NR2F1-AS1: variants seen among roughly 807,000 people sequenced by gnomAD.
NR2F1-AS1 encodes NR2F1 regulatory antisense RNA 1.
chr5:93,584,358 C>A, upstream of NR2F1-AS1: 1 of 149,826 alleles, frequency 6.7e-6, no homozygotes, highest in South Asian at 1.8e-4. Flanking sequence ...CCGGCTTCCT[C>A]TATGTCGGCT....
chr5:93,440,034 A>C (rs1749529047), intron 4 of NR2F1-AS1, among the ~76,000 whole-genome samples: 1 of 152,216 alleles, frequency 6.6e-6, no homozygotes, highest in South Asian at 2.1e-4. Flanking sequence ...TTCATTATAA[A>C]CAGATAAATA....
intron 4 of NR2F1-AS1, among the ~76,000 whole-genome samples, chr5:93,538,608 T>C (rs1431494239): frequency 6.6e-6 from 1 of 152,236 alleles, no homozygotes; most frequent in Non-Finnish European, 1.5e-5. Flanking sequence ...CTAACAGTTG[T>C]AGGAAATACT....
At chr5:93,565,341 G>A (rs1015810674) in intron 1 of NR2F1-AS1, among the ~76,000 whole-genome samples, 2 of 152,112 alleles carry the variant, frequency 1.3e-5, no homozygotes, top group Admixed American at 6.5e-5. Flanking sequence ...AACATGCCCA[G>A]TCATAGGTGA....
chr5:93,513,437 G>A (rs1751341751), intron 4 of NR2F1-AS1, among the ~76,000 whole-genome samples: 2 of 152,214 alleles, frequency 1.3e-5, no homozygotes, highest in African/African-American at 4.8e-5. Flanking sequence ...TAGTGAATTG[G>A]ATAAAGAAAA....
intron 1 of NR2F1-AS1, among the ~76,000 whole-genome samples, chr5:93,564,053 G>A (rs577166266): frequency 3.1e-5 from 4 of 131,064 alleles, no homozygotes; most frequent in Admixed American, 8.9e-5. Flanking sequence ...AATGAGTGGA[G>A]ATCACGCCAC....
intron 4 of NR2F1-AS1, among the ~76,000 whole-genome samples, chr5:93,499,238 G>A (rs1580279209): frequency 1.3e-5 from 2 of 152,130 alleles, no homozygotes; most frequent in East Asian, 3.8e-4. Flanking sequence ...AGAAAACGGT[G>A]ACACATGGGT....
intron 4 of NR2F1-AS1, among the ~76,000 whole-genome samples, chr5:93,544,642 G>A (rs1752033376): frequency 2.0e-5 from 3 of 152,036 alleles, no homozygotes; most frequent in East Asian, 1.9e-4. Flanking sequence ...TGAGTTATTC[G>A]GCCGGGTGCA....
intron 4 of NR2F1-AS1, among the ~76,000 whole-genome samples, chr5:93,443,259 G>A (rs1361631951): frequency 2.6e-5 from 4 of 152,164 alleles, no homozygotes; most frequent in African/African-American, 9.7e-5. Flanking sequence ...CTGAGCTAAA[G>A]TATGATGTTT....
chr5:93,584,532 C>T (rs549312192), upstream of NR2F1-AS1: 1 of 149,162 alleles, frequency 6.7e-6, no homozygotes, highest in Non-Finnish European at 1.5e-5. Flanking sequence ...CGCTGCGCCC[C>T]GCGCCGCTCC....
At chr5:93,530,567 A>G (rs1206098724) in intron 4 of NR2F1-AS1, among the ~76,000 whole-genome samples, 2 of 152,206 alleles carry the variant, frequency 1.3e-5, no homozygotes, top group African/African-American at 4.8e-5. Context: ...CAACCTTACT[A>G]GTAGTTGAGT....
At chr5:93,427,945 AG>A (rs377323564) in intron 4 of NR2F1-AS1, among the ~76,000 whole-genome samples, 111 of 151,990 alleles carry the variant, frequency 7.3e-4, no homozygotes, top group African/African-American at 2.6e-3. Context: ...GTGAGGGGAG[AG>A]GGAGCGAGGG....
At chr5:93,493,918 C>A (rs1416970640) in intron 4 of NR2F1-AS1, among the ~76,000 whole-genome samples, 1 of 152,058 alleles carries the variant, frequency 6.6e-6, no homozygotes, top group Non-Finnish European at 1.5e-5. Context: ...ACACTTAAAT[C>A]TTCATGACTT....
intron 4 of NR2F1-AS1, among the ~76,000 whole-genome samples, chr5:93,413,989 T>A (rs997440921): frequency 3.3e-5 from 5 of 152,366 alleles, no homozygotes; most frequent in Admixed American, 6.5e-5. Flanking sequence ...TAAGCCTTCC[T>A]GCCAGATTAA....
chr5:93,455,160 C>A (rs1228598668), intron 4 of NR2F1-AS1, among the ~76,000 whole-genome samples: 3 of 152,110 alleles, frequency 2.0e-5, no homozygotes, highest in Non-Finnish European at 4.4e-5. Context: ...GTGACAATCC[C>A]CACACACAGT....
intron 1 of NR2F1-AS1, among the ~76,000 whole-genome samples, chr5:93,569,037 T>C (rs924631654): frequency 6.6e-6 from 1 of 152,112 alleles, no homozygotes; most frequent in African/African-American, 2.4e-5. Context: ...AGGTACACCT[T>C]AAAAATTAGG....
At chr5:93,413,485 G>C (rs1748905513) in intron 4 of NR2F1-AS1, among the ~76,000 whole-genome samples, 1 of 152,092 alleles carries the variant, frequency 6.6e-6, no homozygotes, top group African/African-American at 2.4e-5. Flanking sequence ...ACTCTCTTTG[G>C]ATTGCTTCTT....
At chr5:93,527,464 T>C (rs1422920158) in intron 4 of NR2F1-AS1, among the ~76,000 whole-genome samples, 2 of 152,120 alleles carry the variant, frequency 1.3e-5, no homozygotes, top group Admixed American at 6.6e-5. Flanking sequence ...CAAGCTACCA[T>C]TGACTTTCCT....
At chr5:93,459,568 G>C (rs1750044959) in intron 4 of NR2F1-AS1, among the ~76,000 whole-genome samples, 1 of 152,142 alleles carries the variant, frequency 6.6e-6, no homozygotes, top group South Asian at 2.1e-4. Context: ...GTAAAGCTGA[G>C]TTTTAGAAGT....
chr5:93,410,689 G>A (rs1448247308), intron 4 of NR2F1-AS1: 4 of 152,060 alleles, frequency 2.6e-5, no homozygotes, highest in Non-Finnish European at 5.9e-5. Flanking sequence ...AGAAGGTTGG[G>A]GACCACTGCC....
Sources: gnomAD v4.1 joint callset for allele counts (sites outside exome capture counted in the v4.1 genomes callset) on GRCh38, gnomAD v4.1.1 for gene constraint, MANE v1.5 for transcripts, NCBI Gene and HGNC (gene_info 2026-07-23, HGNC 2026-07-21) for gene names.